Variants in CTNNA3 observed in about 807,000 individuals in gnomAD.
CTNNA3 encodes the protein catenin alpha-3.
CTNNA3 carries 76 observed loss-of-function variants against 95.7 expected under a neutral mutation model. That is an observed-to-expected ratio of 0.79 (90% CI 0.66 to 0.96). The LOEUF (loss-of-function observed/expected upper bound fraction) is 0.96. Among genes scored for constraint, CTNNA3 ranks in the 40% least tolerant of loss-of-function variants. The probability of loss-of-function intolerance (pLI) is 0.00; values close to 1 mark genes in which losing one functional copy is unlikely to be tolerated. For synonymous variants in CTNNA3, 431 were observed against 374.4 expected, an observed-to-expected ratio of 1.15 and a Z score of -1.74; for missense variants, 1,191 against 1,089.8, an observed-to-expected ratio of 1.09 and a Z score of -1.31.
rs1236334552 is a variant in CTNNA3, at chr10:66,331,802, T to C, written c.1732+47350A>G. ...CAATGCGGGCTCTTTTTTGCTTCCA[T>C]ATGAACTTTAAAGTAGTTTTTTCCA... On this transcript the variant is annotated intron_variant, in intron 12 of 17. Coordinates refer to ENST00000433211, the MANE Select transcript of CTNNA3 (RefSeq NM_013266.4). 3.9e-5 allele frequency among the ~76,000 whole-genome samples: 6 copies of C among 152,040 alleles called. No individual in the cohort carries two copies. The East Asian group carries it at 9.7e-4, about 25-fold the overall frequency.
chr10:67,400,981 T>G (rs1422115577), intron 5 of CTNNA3, among the ~76,000 whole-genome samples: 3 of 152,214 alleles, frequency 2.0e-5, no homozygotes, highest in Non-Finnish European at 4.4e-5. Flanking sequence ...AAGTGTTGTG[T>G]ATACTTCAGA....
chr10:66,095,848 A>G (rs1431786899), intron 14 of CTNNA3, among the ~76,000 whole-genome samples: 1 of 152,088 alleles, frequency 6.6e-6, no homozygotes, highest in African/African-American at 2.4e-5. Context: ...TATAGACCTT[A>G]TATAGATTCA....
intron 2 of CTNNA3, among the ~76,000 whole-genome samples, chr10:67,642,872 G>A (rs568256602): frequency 3.1e-4 from 47 of 152,206 alleles, no homozygotes; most frequent in South Asian, 1.0e-3. Flanking sequence ...CATTGTTGGT[G>A]GGTATGTAAA....
intron 5 of CTNNA3, among the ~76,000 whole-genome samples, chr10:67,483,776 T>TAAAAAAAAAAAAAAAAAAAAAA (rs71468814): frequency 9.0e-6 from 1 of 110,854 alleles, no homozygotes; most frequent in Non-Finnish European, 2.0e-5. Context: ...AAATAAAAAT[T>TAAAAAAAAAAAAAAAAAAAAAA]AAAAAAAAAA....
chr10:67,302,034 A>C (rs61866887), intron 5 of CTNNA3, among the ~76,000 whole-genome samples: 4,023 of 73,278 alleles, frequency 0.055, 986 homozygotes, highest in African/African-American at 0.29. Flanking sequence ...AAAGAAAGAA[A>C]GAAAGAAAGA....
At chr10:67,544,036 T>C (rs752770485) in intron 3 of CTNNA3, among the ~76,000 whole-genome samples, 1 of 152,318 alleles carries the variant, frequency 6.6e-6, no homozygotes, top group Non-Finnish European at 1.5e-5. Context: ...AACCTTATCA[T>C]GGCAGGTGGA....
intron 7 of CTNNA3, among the ~76,000 whole-genome samples, chr10:66,911,437 T>A (rs1846218950): frequency 6.6e-6 from 1 of 152,198 alleles, no homozygotes; most frequent in Non-Finnish European, 1.5e-5. Context: ...CCTTTCTATT[T>A]AACAAAACAG....
At chr10:67,393,161 T>C (rs1205902683) in intron 5 of CTNNA3, among the ~76,000 whole-genome samples, 2 of 152,164 alleles carry the variant, frequency 1.3e-5, no homozygotes, top group African/African-American at 4.8e-5. Flanking sequence ...CTCATCAATA[T>C]TTACTGGTCA....
intron 15 of CTNNA3, among the ~76,000 whole-genome samples, chr10:66,010,512 G>A (rs1180306925): frequency 6.6e-6 from 1 of 152,096 alleles, no homozygotes; most frequent in African/African-American, 2.4e-5. Flanking sequence ...CAAAAGAGCA[G>A]CTTATTTTCA....
At chr10:67,251,347 A>G in intron 5 of CTNNA3, among the ~76,000 whole-genome samples, 1 of 152,160 alleles carries the variant, frequency 6.6e-6, no homozygotes, top group East Asian at 1.9e-4. Context: ...GTGACTGCTA[A>G]TGGGTACAGG....
chr10:66,890,821 TGATGCAG>T (rs1324893912), intron 7 of CTNNA3, among the ~76,000 whole-genome samples: 2 of 152,086 alleles, frequency 1.3e-5, no homozygotes, highest in Admixed American at 6.6e-5. Flanking sequence ...GAGAGAATGG[TGATGCAG>T]GGACGATGCC....
In CTNNA3 at chr10:67,691,890, G is replaced by A. The variant is rs903971133; in HGVS notation, c.-6+4110C>T. Among the ~76,000 whole-genome samples the A allele has an allele frequency of 7.3e-5, 11 of 150,074 alleles. No homozygotes were observed. In the South Asian group the frequency reaches 1.5e-3, roughly 20 times the overall value. Reference sequence around the variant, plus strand: ...GCTGCCCCGTCCGGGAGGGAGGTGGGGGGGTCAGCCCCCCGCCCGGCCAGC... The same window carrying A: ...GCTGCCCCGTCCGGGAGGGAGGTGGAGGGGTCAGCCCCCCGCCCGGCCAGC... On this transcript the variant is annotated intron_variant, in intron 1 of 17. Transcript: ENST00000433211.
intron 5 of CTNNA3, among the ~76,000 whole-genome samples, chr10:67,407,363 T>C (rs1292186317): frequency 1.3e-5 from 2 of 152,042 alleles, no homozygotes; most frequent in African/African-American, 4.8e-5. Flanking sequence ...TGGTAAAAAT[T>C]AGCATCCTTT....
intron 12 of CTNNA3, among the ~76,000 whole-genome samples, chr10:66,335,944 T>G (rs1176302588): frequency 1.3e-5 from 2 of 152,100 alleles, no homozygotes; most frequent in Non-Finnish European, 2.9e-5. Flanking sequence ...GTGCCCCTCC[T>G]CCAGCCTTGC....
chr10:66,243,947 C>T (rs932772776), intron 13 of CTNNA3, among the ~76,000 whole-genome samples: 15 of 152,212 alleles, frequency 9.9e-5, no homozygotes, highest in African/African-American at 1.2e-4. Context: ...AGTGTGCTCT[C>T]GAGGTCCCCA....
intron 5 of CTNNA3, among the ~76,000 whole-genome samples, chr10:67,353,828 G>A (rs1842719799): frequency 6.6e-6 from 1 of 151,884 alleles, no homozygotes; most frequent in South Asian, 2.1e-4. Context: ...AATTTACCAA[G>A]AGTCATCACT....
intron 7 of CTNNA3, among the ~76,000 whole-genome samples, chr10:66,958,814 G>T (rs1373282507): frequency 6.6e-6 from 1 of 152,106 alleles, no homozygotes; most frequent in Non-Finnish European, 1.5e-5. Context: ...GCTCAAAGAA[G>T]AAGGAAAGGA....
chr10:66,246,673 G>T (rs1404182565), intron 13 of CTNNA3, among the ~76,000 whole-genome samples: 1 of 151,782 alleles, frequency 6.6e-6, no homozygotes, highest in Non-Finnish European at 1.5e-5. Flanking sequence ...AAAAAAAGCA[G>T]AAATTCTAGA....
In CTNNA3 at chr10:66,064,071, C is replaced by T. The variant is rs149412015; in HGVS notation, c.2159+5237G>A. On this transcript the variant is annotated intron_variant, in intron 15 of 17. Coordinates refer to ENST00000433211, the MANE Select transcript of CTNNA3 (RefSeq NM_013266.4). ...AAGAGGTTTAATTGACTCACAGTTCCGCATGGCTGGGGAGCCCTCAGGAAA... is the reference window on the plus strand; with the variant it reads ...AAGAGGTTTAATTGACTCACAGTTCTGCATGGCTGGGGAGCCCTCAGGAAA... Among the ~76,000 whole-genome samples the T allele has an allele frequency of 8.5e-5, 13 of 152,128 alleles. No homozygotes were observed. In the East Asian group the frequency reaches 1.4e-3, roughly 16 times the overall value.
Sources: allele counts gnomAD v4.1 joint callset (sites outside exome capture counted in the v4.1 genomes callset), GRCh38; gene constraint gnomAD v4.1.1; transcripts MANE v1.5; gene names NCBI Gene and HGNC (gene_info 2026-07-23, HGNC 2026-07-21).